Variants in LRRC4C observed in about 807,000 individuals in gnomAD.
LRRC4C encodes leucine rich repeat containing 4C, also known as leucine-rich repeat-containing protein 4C.
Under a neutral mutation model 33.6 loss-of-function variants are expected in LRRC4C, and 5 were observed. The observed-to-expected ratio is 0.15, with a 90% CI of 0.08 to 0.31. The LOEUF is 0.31. Among genes scored for constraint, LRRC4C ranks in the 10% least tolerant of loss-of-function variants. LRRC4C has a pLI of 1.00. For synonymous variants in LRRC4C, 329 were observed against 302.0 expected, an observed-to-expected ratio of 1.09 and a Z score of -0.93; for missense variants, 560 against 796.7, an observed-to-expected ratio of 0.70 and a Z score of 3.58.
At chr11:41,133,242 G>A (rs1943096808) in intron 1 of LRRC4C, among the ~76,000 whole-genome samples, 1 of 152,054 alleles carries the variant, frequency 6.6e-6, no homozygotes, top group Admixed American at 6.6e-5. Context: ...TATACCCTCT[G>A]GGCGGCCTCA....
Position 40,293,818 on chromosome 11 carries a change from G to C in LRRC4C, c.-176+25810C>G, listed in dbSNP as rs533895058. Reference sequence around the variant, plus strand: ...CTGCTAGTCCTCTGCGAGGAGACGCGTTCTCGGGAGCGCAGCTGCTCCGCG... The same window carrying C: ...CTGCTAGTCCTCTGCGAGGAGACGCCTTCTCGGGAGCGCAGCTGCTCCGCG... On this transcript the variant is annotated intron_variant, in intron 4 of 6. Transcript: ENST00000528697. 9.2e-5 allele frequency: 14 copies of C among 152,312 alleles called. No homozygotes were observed. In the East Asian group the frequency reaches 2.1e-3, roughly 23 times the overall value. The allele number at this position is 152,312 out of a possible 1,614,324, so 9.4% of individuals were successfully genotyped here.
intron 1 of LRRC4C, among the ~76,000 whole-genome samples, chr11:41,060,986 C>T (rs2135362523): frequency 6.6e-6 from 1 of 151,300 alleles, no homozygotes; most frequent in South Asian, 2.1e-4. Context: ...CCCGCCCCTT[C>T]CCCTCCCCCC....
intron 3 of LRRC4C, among the ~76,000 whole-genome samples, chr11:40,554,398 T>C (rs72885194): frequency 0.03 from 4,610 of 152,232 alleles, 177 homozygotes; most frequent in African/African-American, 0.094. Flanking sequence ...TAATATAATG[T>C]ATTTAGCTTT....
intron 2 of LRRC4C, among the ~76,000 whole-genome samples, chr11:40,924,885 TAATC>T (rs2136398927): frequency 6.6e-6 from 1 of 152,318 alleles, no homozygotes; most frequent in African/African-American, 2.4e-5. Flanking sequence ...AAATTGCAGT[TAATC>T]AAGGAACATA....
chr11:41,456,561 GA>G, intron 1 of LRRC4C, among the ~76,000 whole-genome samples: 1 of 152,128 alleles, frequency 6.6e-6, no homozygotes, highest in Non-Finnish European at 1.5e-5. Context: ...AAATGGAGAA[GA>G]AACGGAATGT....
intron 1 of LRRC4C, among the ~76,000 whole-genome samples, chr11:41,110,857 A>G (rs1424849140): frequency 1.3e-5 from 2 of 152,026 alleles, no homozygotes; most frequent in African/African-American, 2.4e-5. Context: ...TATTTGTTCT[A>G]TTCCAGTGGT....
intron 1 of LRRC4C, among the ~76,000 whole-genome samples, chr11:40,951,692 T>G (rs1251891854): frequency 6.6e-6 from 1 of 151,990 alleles, no homozygotes; most frequent in Non-Finnish European, 1.5e-5. Context: ...TAAAAAATAA[T>G]CATTAAATGG....
chr11:41,443,137 C>T (rs1955707580), intron 1 of LRRC4C, among the ~76,000 whole-genome samples: 1 of 128,716 alleles, frequency 7.8e-6, no homozygotes, highest in African/African-American at 2.8e-5. Context: ...AATCCAACCT[C>T]ATCATATTAA....
chr11:41,226,741 TACACACACACACACAC>T (rs59285418), intron 1 of LRRC4C, among the ~76,000 whole-genome samples: 3 of 137,082 alleles, frequency 2.2e-5, no homozygotes, highest in Non-Finnish European at 4.7e-5. Context: ...TCCTTACCAT[TACACACACACACACAC>T]ACACACACAC....
intron 4 of LRRC4C, among the ~76,000 whole-genome samples, chr11:40,294,569 C>T (rs560000257): frequency 2.0e-5 from 3 of 152,274 alleles, no homozygotes; most frequent in South Asian, 2.1e-4. Flanking sequence ...TGTCTCACGC[C>T]TGTAATCCCA....
chr11:41,162,682 C>T (rs1288723645), intron 1 of LRRC4C, among the ~76,000 whole-genome samples: 17 of 151,976 alleles, frequency 1.1e-4, no homozygotes, highest in Admixed American at 9.8e-4. Flanking sequence ...ACAGTAAAAA[C>T]ATAGTATAAA....
At chr11:40,814,250 A>G (rs1259937178) in intron 2 of LRRC4C, among the ~76,000 whole-genome samples, 2 of 152,184 alleles carry the variant, frequency 1.3e-5, no homozygotes, top group African/African-American at 4.8e-5. Flanking sequence ...CCAAACCTCA[A>G]TTCTTGACTT....
chr11:40,649,893 TTGTA>T (rs1942685852), intron 2 of LRRC4C, among the ~76,000 whole-genome samples: 1 of 152,148 alleles, frequency 6.6e-6, no homozygotes, highest in South Asian at 2.1e-4. Flanking sequence ...CCACAACAAA[TTGTA>T]AAGCAAAGAC....
At chr11:41,153,645 G>A (rs531949505) in intron 1 of LRRC4C, among the ~76,000 whole-genome samples, 51 of 152,240 alleles carry the variant, frequency 3.3e-4, no homozygotes, top group Admixed American at 9.2e-4. Context: ...ACGGTATCTT[G>A]TGGCACTATT....
At chr11:41,136,639 C>T (rs1347233149) in intron 1 of LRRC4C, among the ~76,000 whole-genome samples, 3 of 152,152 alleles carry the variant, frequency 2.0e-5, no homozygotes, top group Non-Finnish European at 4.4e-5. Flanking sequence ...GGCCTAGAGT[C>T]CTTTCCCACC....
chr11:40,709,708 G>C (rs1020876910), intron 2 of LRRC4C, among the ~76,000 whole-genome samples: 3 of 151,898 alleles, frequency 2.0e-5, no homozygotes, highest in Admixed American at 6.6e-5. Flanking sequence ...GGTGTTCTCT[G>C]TATTTCCTGA....
intron 3 of LRRC4C, among the ~76,000 whole-genome samples, chr11:40,418,807 G>T (rs1368074409): frequency 6.6e-6 from 1 of 152,162 alleles, no homozygotes; most frequent in Admixed American, 6.5e-5. Context: ...CATGTCCTTT[G>T]CAGGGACACG....
At chr11:41,245,279 C>A (rs918359574) in intron 1 of LRRC4C, among the ~76,000 whole-genome samples, 4 of 152,178 alleles carry the variant, frequency 2.6e-5, no homozygotes, top group African/African-American at 9.7e-5. Flanking sequence ...GCCCACTCAG[C>A]CTGGCAGGCT....
intron 4 of LRRC4C, among the ~76,000 whole-genome samples, chr11:40,272,443 G>T (rs1025397066): frequency 3.3e-5 from 5 of 151,956 alleles, no homozygotes; most frequent in African/African-American, 1.2e-4. Flanking sequence ...CTGGCATTGT[G>T]GATACTCCAT....
Sources: allele counts gnomAD v4.1 joint callset (sites outside exome capture counted in the v4.1 genomes callset), GRCh38; gene constraint gnomAD v4.1.1; transcripts MANE v1.5; gene names NCBI Gene and HGNC (gene_info 2026-07-23, HGNC 2026-07-21).